The following CCDC171 variants were observed in gnomAD, a reference collection of about 807,000 sequenced individuals.
CCDC171 encodes the protein coiled-coil domain containing 171.
In CCDC171, 177 loss-of-function variants were observed where a neutral mutation model predicts 168.2. The ratio of observed to expected loss-of-function variants is 1.05; its 90% CI spans 0.93 to 1.19. CCDC171 has a LOEUF of 1.19. Ranked by LOEUF, CCDC171 falls within the 50% of genes most tolerant of loss-of-function variation. The pLI, the probability that CCDC171 is intolerant of heterozygous loss-of-function variation, is 0.00. For missense variants in CCDC171, 1,991 were observed against 1,539.0 expected (o/e 1.29, Z -4.91); for synonymous variants, 687 against 540.8 (o/e 1.27, Z -3.75).
chr9:16,070,627 C>T, the CCDC171 span, among the ~76,000 whole-genome samples: 2 of 152,152 alleles, frequency 1.3e-5, no homozygotes, highest in Non-Finnish European at 2.9e-5. Context: ...TGTCTTCAGA[C>T]TCACAACTAA....
rs1554714865 is a variant in CCDC171, at chr9:15,623,473, G to GTGCACACACACA, written c.822+60_822+61insTGCACACACACA. 29 of 464,726 alleles carry GTGCACACACACA rather than the reference G, an allele frequency of 6.2e-5. 1 individual carries two copies. Among genetic ancestry groups the GTGCACACACACA allele is most frequent in the Non-Finnish European group, 1.0e-4 (28 of 274,724 alleles). 28.8% of individuals were successfully genotyped at this position (464,726 alleles called of 1,614,324 possible). ...TACAAACTTTCACATATGCGCGCGC[G>GTGCACACACACA]CGCACACACACACACACACACACAC... On this transcript the variant is annotated intron_variant, in intron 7 of 25. Coordinates refer to ENST00000380701, the MANE Select transcript of CCDC171 (RefSeq NM_173550.4).
intron 24 of CCDC171, among the ~76,000 whole-genome samples, chr9:15,884,434 G>A (rs1819119780): frequency 6.6e-6 from 1 of 152,108 alleles, no homozygotes; most frequent in Non-Finnish European, 1.5e-5. Context: ...CCCTTTAAAA[G>A]ACAAGAAAGT....
the CCDC171 span, among the ~76,000 whole-genome samples, chr9:16,072,010 G>A: frequency 6.6e-6 from 1 of 152,166 alleles, no homozygotes; most frequent in Non-Finnish European, 1.5e-5. Context: ...GAAGCCATAG[G>A]AGCATCTTGC....
chr9:15,842,307 A>T (rs2060712578), intron 21 of CCDC171, among the ~76,000 whole-genome samples: 1 of 152,018 alleles, frequency 6.6e-6, no homozygotes, highest in South Asian at 2.1e-4. Flanking sequence ...GCTATACTGT[A>T]CCCTTATGAG....
rs3082789 is a variant in CCDC171 at position 15,705,091 on chromosome 9, G to GACACACACACACACACAC, written c.1318+9767_1318+9784dup. Among the ~76,000 whole-genome samples the GACACACACACACACACAC allele has an allele frequency of 3.1e-3, 465 of 147,738 alleles. 3 individuals carry two copies. Among genetic ancestry groups the GACACACACACACACACAC allele is most frequent in the East Asian group, 4.0e-3 (20 of 4,980 alleles). On this transcript the variant is annotated intron_variant, in intron 11 of 25. Transcript: ENST00000380701. ...GCTAATAGATCTTAAGTATCCTTAC[G>GACACACACACACACACAC]ACACACACACACACACACACACACA... is the stretch of plus-strand genomic sequence containing the variant.
chr9:16,035,812 G>A lies in CCDC171; in HGVS notation n.1068-281G>A, dbSNP rs565545971. Among the ~76,000 whole-genome samples the A allele has an allele frequency of 3.3e-5, 5 of 152,232 alleles. No homozygotes were observed. In the South Asian group the frequency reaches 1.0e-3, roughly 32 times the overall value. The stretch of plus-strand genomic sequence containing the variant: ...TCAATATCCACTATGTCAGTCACTG[G>A]GCTATGTTGTGTGGAAGAGTAACTT... On this transcript the variant is annotated intron_variant and non_coding_transcript_variant, in intron 7 of 9. Coordinates refer to the CCDC171 transcript ENST00000486641.
At chr9:16,067,534 G>A in the CCDC171 span, among the ~76,000 whole-genome samples, 2 of 152,168 alleles carry the variant, frequency 1.3e-5, no homozygotes, top group Non-Finnish European at 2.9e-5. Context: ...TGAAGTCCTT[G>A]CCCATGCCCA....
the CCDC171 span, among the ~76,000 whole-genome samples, chr9:16,081,832 T>C: frequency 8.6e-5 from 13 of 151,858 alleles, no homozygotes; most frequent in African/African-American, 3.1e-4. Context: ...GCAGTTAAAG[T>C]GTTTACTTCT....
At chr9:16,003,205 G>C (rs1832606278) in intron 3 of CCDC171, among the ~76,000 whole-genome samples, 1 of 152,160 alleles carries the variant, frequency 6.6e-6, no homozygotes, top group Admixed American at 6.5e-5. Context: ...TTACTTTGCT[G>C]TGTAACCTTG....
chr9:16,010,814 T>C (rs1212247790), intron 3 of CCDC171, among the ~76,000 whole-genome samples: 2 of 150,930 alleles, frequency 1.3e-5, no homozygotes, highest in African/African-American at 2.4e-5. Flanking sequence ...TAACCAGTGG[T>C]ATAACATGGC....
At chr9:16,026,591 T>C (rs1261415976) in intron 6 of CCDC171, among the ~76,000 whole-genome samples, 1 of 152,174 alleles carries the variant, frequency 6.6e-6, no homozygotes, top group East Asian at 1.9e-4. Context: ...CAGTTGATAA[T>C]GGGAGAAATA....
chr9:15,847,018 A>G (rs1037374108), intron 22 of CCDC171, among the ~76,000 whole-genome samples, 171 bp downstream of exon 22: 3 of 152,120 alleles, frequency 2.0e-5, no homozygotes, highest in African/African-American at 7.2e-5. Flanking sequence ...TTAACATACT[A>G]AATGTATATT....
At chr9:15,866,212 C>G (rs1283372613) in intron 23 of CCDC171, among the ~76,000 whole-genome samples, 1 of 151,780 alleles carries the variant, frequency 6.6e-6, no homozygotes, top group Admixed American at 6.6e-5. Flanking sequence ...AGGGTTTAAG[C>G]TAGGGGTTGA....
At chr9:15,996,384 A>G (rs1413748369) in intron 3 of CCDC171, among the ~76,000 whole-genome samples, 1 of 149,742 alleles carries the variant, frequency 6.7e-6, no homozygotes, top group Non-Finnish European at 1.5e-5. Flanking sequence ...TGCACAGAAA[A>G]TATATATGGC....
intron 1 of CCDC171, among the ~76,000 whole-genome samples, chr9:16,057,151 C>T (rs951764397): frequency 6.6e-6 from 1 of 152,172 alleles, no homozygotes; most frequent in Non-Finnish European, 1.5e-5. Context: ...TTGATCTTTA[C>T]ACAAGGAGTT....
chr9:15,921,934 T>G (rs983661967), intron 25 of CCDC171, among the ~76,000 whole-genome samples: 5 of 151,642 alleles, frequency 3.3e-5, no homozygotes, highest in African/African-American at 4.8e-5. Context: ...ATGAAAACAA[T>G]TACTTGTATT....
intron 21 of CCDC171, among the ~76,000 whole-genome samples, chr9:15,794,854 C>A (rs925910302): frequency 2.0e-5 from 3 of 152,158 alleles, no homozygotes; most frequent in African/African-American, 7.2e-5. Context: ...TATATTGCTG[C>A]ACCCAGTTTC....
chr9:16,048,692 A>G (rs1451989990), intron 1 of CCDC171, among the ~76,000 whole-genome samples: 2 of 149,644 alleles, frequency 1.3e-5, no homozygotes, highest in Middle Eastern at 3.2e-3. Flanking sequence ...GTAAAGAAAT[A>G]AAGAAATAGG....
At chr9:16,097,614 G>C in the CCDC171 span, among the ~76,000 whole-genome samples, 25,820 of 152,126 alleles carry the variant, frequency 0.17, 2,321 homozygotes, top group South Asian at 0.22. Flanking sequence ...CTCAAAAAAG[G>C]ATGAATCTTT....
Sources: gnomAD v4.1 joint callset for allele counts (sites outside exome capture counted in the v4.1 genomes callset) on GRCh38, gnomAD v4.1.1 for gene constraint, MANE v1.5 for transcripts, NCBI Gene and HGNC (gene_info 2026-07-23, HGNC 2026-07-21) for gene names.